EGFLAM: variants seen among roughly 807,000 people sequenced by gnomAD.
EGFLAM encodes EGF like, fibronectin type III and laminin G domains.
EGFLAM carries 79 observed loss-of-function variants against 113.1 expected under a neutral mutation model. The ratio of observed to expected loss-of-function variants is 0.70; its 90% CI spans 0.58 to 0.84. The LOEUF is 0.84. Ranked by LOEUF, EGFLAM falls within the 40% of genes least tolerant of loss-of-function variation. The probability of loss-of-function intolerance (pLI) is 0.00; values close to 1 mark genes in which losing one functional copy is unlikely to be tolerated. For synonymous variants in EGFLAM, 504 were observed against 487.6 expected, an observed-to-expected ratio of 1.03 and a Z score of -0.44; for missense variants, 1,265 against 1,291.6, an observed-to-expected ratio of 0.98 and a Z score of 0.32.
At chr5:38,425,293 C>T (rs1416886557) in intron 13 of EGFLAM, among the ~76,000 whole-genome samples, 1 of 152,132 alleles carries the variant, frequency 6.6e-6, no homozygotes, top group East Asian at 1.9e-4. Context: ...TTCTCTTCTG[C>T]CTCAGCTCCC....
chr5:38,406,650 A>T (rs1303724168), intron 7 of EGFLAM, among the ~76,000 whole-genome samples, 178 bp from the exon 8 acceptor site: 1 of 152,208 alleles, frequency 6.6e-6, no homozygotes, highest in Non-Finnish European at 1.5e-5. Flanking sequence ...AAGCACTATA[A>T]GTCCCTGACC....
intron 5 of EGFLAM, among the ~76,000 whole-genome samples, chr5:38,363,227 T>A (rs1209677241): frequency 3.9e-5 from 6 of 152,136 alleles, no homozygotes; most frequent in Admixed American, 3.9e-4. Context: ...ATTCGGAGGC[T>A]CTTCTGAGCA....
intron 17 of EGFLAM, among the ~76,000 whole-genome samples, chr5:38,446,111 C>T (rs1447276688): frequency 2.0e-5 from 3 of 152,144 alleles, no homozygotes; most frequent in Non-Finnish European, 4.4e-5. Context: ...GGGAAGGCCT[C>T]CCCCACCGCT....
intron 6 of EGFLAM, among the ~76,000 whole-genome samples, chr5:38,402,707 T>C (rs1475115108): frequency 2.0e-5 from 3 of 152,210 alleles, no homozygotes; most frequent in Admixed American, 1.3e-4. Flanking sequence ...AGTTTAGAAA[T>C]ATATCATGTT....
chr5:38,451,491 C>CT (rs1190116609), intron 19 of EGFLAM, 33 bp downstream of exon 19: 2 of 1,604,016 alleles, frequency 1.2e-6, no homozygotes, highest in Admixed American at 3.4e-5. Context: ...TCAGCAGCAC[C>CT]TTGCGATTTT....
intron 5 of EGFLAM, among the ~76,000 whole-genome samples, chr5:38,354,892 C>A (rs1009668998): frequency 6.6e-6 from 1 of 152,074 alleles, no homozygotes; most frequent in Non-Finnish European, 1.5e-5. Flanking sequence ...GTTTCTTAAC[C>A]TTGTGTGCAC....
At chr5:38,333,916 GTTTTTTT>G (rs70978880) in intron 1 of EGFLAM, among the ~76,000 whole-genome samples, 3 of 29,276 alleles carry the variant, frequency 1.0e-4, no homozygotes, top group African/African-American at 1.6e-4. Flanking sequence ...ATTGTTGAGG[GTTTTTTT>G]TTTTTTTTTT....
intron 1 of EGFLAM, among the ~76,000 whole-genome samples, chr5:38,297,875 C>A (rs1337406451): frequency 6.6e-6 from 1 of 152,202 alleles, no homozygotes; most frequent in Non-Finnish European, 1.5e-5. Context: ...GGTCCTAAAT[C>A]ATTTTGTAAA....
intron 4 of EGFLAM, among the ~76,000 whole-genome samples, chr5:38,350,923 A>G (rs1739604284): frequency 6.6e-6 from 1 of 152,112 alleles, no homozygotes; most frequent in African/African-American, 2.4e-5. Flanking sequence ...ACAGGTAAGT[A>G]GGAATTAAGA....
At chr5:38,366,277 C>A (rs1049291681) in intron 5 of EGFLAM, among the ~76,000 whole-genome samples, 1 of 152,158 alleles carries the variant, frequency 6.6e-6, no homozygotes, top group African/African-American at 2.4e-5. Flanking sequence ...GATTCTAGTT[C>A]ACAGTGACCT....
rs1579808843 is a variant in EGFLAM, at chr5:38,352,190, A to C, written c.410-6A>C. ...CTAGTCTAGTTGTGTTTGTCATCCC[A>C]CCTAGATTCCTGCCTGCCTCCTGCA... On this transcript the variant is annotated splice_region_variant and splice_polypyrimidine_tract_variant and intron_variant, in intron 4 of 21. Transcript: ENST00000322350. 1 of 1,613,904 alleles carries C rather than the reference A, an allele frequency of 6.2e-7. No individual in the cohort carries two copies. The highest frequency in any genetic ancestry group is 1.7e-4 in the Middle Eastern group (1 of 6,058).
intron 14 of EGFLAM, chr5:38,427,502 T>C (rs1742056126): frequency 2.0e-6 from 1 of 489,980 alleles, no homozygotes; most frequent in South Asian, 3.0e-5. Flanking sequence ...TGCTTCAAAC[T>C]ATGGAAAATG....
At chr5:38,407,220 C>A in intron 8 of EGFLAM, 74 bp downstream of exon 8, 1 of 1,491,448 alleles carries the variant, frequency 6.7e-7, no homozygotes, top group Non-Finnish European at 9.1e-7. Flanking sequence ...TTTTGTGGTC[C>A]AAACATAGTT....
chr5:38,449,980 A>G (rs1319147811), intron 18 of EGFLAM, among the ~76,000 whole-genome samples: 5 of 152,226 alleles, frequency 3.3e-5, no homozygotes, highest in Non-Finnish European at 7.3e-5. Flanking sequence ...CCAGCTGCCC[A>G]TAAGCTGCAC....
At position 38,288,584 on chromosome 5, in the gene EGFLAM, G is replaced by A. The variant is rs16903923; in HGVS notation, c.97+29733G>A. 9.0e-3 allele frequency among the ~76,000 whole-genome samples: 1,364 copies of A among 152,032 alleles called. 24 individuals are homozygous for A. Among genetic ancestry groups the A allele is most frequent in the African/African-American group, 0.031 (1,300 of 41,328 alleles). ...GAGAGTGGAGTTTTGAGCTCCTAAC[G>A]CTTTGGTTCATGAGCTGAGAAAATA... On this transcript the variant is annotated intron_variant, in intron 1 of 21. Transcript: ENST00000322350.
rs947293451 is a variant in EGFLAM at position 38,258,639 on chromosome 5, C to T, written c.-116C>T. On this transcript the variant is annotated 5_prime_UTR_variant, in exon 1 of 22. Coordinates refer to ENST00000322350, the MANE Select transcript of EGFLAM (RefSeq NM_152403.4). ...TCCGGGCCCAGCCCTCGCAGCCCCC[C>T]ACCTCCTCGCCCCGGCCCGGGGATC... The T allele has an allele frequency of 1.1e-5, 13 of 1,208,568 alleles. No individual in the cohort carries two copies. The highest frequency in any genetic ancestry group is 1.3e-5 in the South Asian group (1 of 76,360). 74.9% of individuals were successfully genotyped at this position (1,208,568 alleles called of 1,614,324 possible). A position where few individuals can be genotyped will look rare whatever the true frequency, so the allele number is the denominator to read the frequency against.
intron 17 of EGFLAM, among the ~76,000 whole-genome samples, chr5:38,441,593 TACACAC>T (rs3048229): frequency 2.0e-4 from 29 of 147,658 alleles, no homozygotes; most frequent in East Asian, 1.6e-3. Flanking sequence ...CGCTGCTTTG[TACACAC>T]ACACACACAC....
chr5:38,369,747 A>G lies in EGFLAM; in HGVS notation c.546-549A>G, dbSNP rs142279452. Among the ~76,000 whole-genome samples, 274 of 152,314 alleles carry G rather than the reference A, an allele frequency of 1.8e-3. 5 individuals carry two copies. The highest frequency in any genetic ancestry group is 0.014 in the Admixed American group (208 of 15,306). The stretch of plus-strand genomic sequence containing the variant: ...CTAAGCAAAGGTCTGCCTTCTCTGA[A>G]GGGCCCTCCAAAGGACATGTAAAAA... On this transcript the variant is annotated intron_variant, in intron 5 of 21. Coordinates refer to ENST00000322350, the MANE Select transcript of EGFLAM (RefSeq NM_152403.4).
chr5:38,394,972 C>T, intron 6 of EGFLAM, among the ~76,000 whole-genome samples: 1 of 151,352 alleles, frequency 6.6e-6, no homozygotes, highest in African/African-American at 2.4e-5. Context: ...CAGAGTTTTG[C>T]TCTTGTTGCC....
Sources: allele counts gnomAD v4.1 joint callset (sites outside exome capture counted in the v4.1 genomes callset), GRCh38; gene constraint gnomAD v4.1.1; transcripts MANE v1.5; gene names NCBI Gene and HGNC (gene_info 2026-07-23, HGNC 2026-07-21).